FAM24B: variants seen among roughly 807,000 people sequenced by gnomAD.
The protein encoded by FAM24B is family with sequence similarity 24 member B, also known as protein FAM24B.
In FAM24B, 3 loss-of-function variants were observed where a neutral mutation model predicts 2.3. That is an observed-to-expected ratio of 1.29 (90% CI 0.59 to 3.32). FAM24B has a LOEUF of 3.32. FAM24B is among the 30% of genes most tolerant of loss of function. The probability of loss-of-function intolerance (pLI) is 0.03; values close to 1 mark genes in which losing one functional copy is unlikely to be tolerated. For missense variants in FAM24B, 98 were observed against 117.2 expected (o/e 0.84, Z 0.76); for synonymous variants, 36 against 46.3 (o/e 0.78, Z 0.90).
At chr10:122,853,439 C>T (rs1203325100) in intron 2 of FAM24B, among the ~76,000 whole-genome samples, 2 of 152,160 alleles carry the variant, frequency 1.3e-5, no homozygotes, top group Admixed American at 6.5e-5. Context: ...CCCTCCCTGT[C>T]CCTCGCCTCC....
intron 2 of FAM24B, among the ~76,000 whole-genome samples, chr10:122,851,466 C>G (rs1345104511): frequency 6.6e-6 from 1 of 152,234 alleles, no homozygotes; most frequent in Admixed American, 6.5e-5. Flanking sequence ...AATCAGGACA[C>G]ACGCTGTGTG....
At chr10:122,859,983 C>T (rs112917344) in intron 1 of FAM24B, among the ~76,000 whole-genome samples, 2,234 of 152,168 alleles carry the variant, frequency 0.015, 54 homozygotes, top group African/African-American at 0.045. Context: ...GCCAACACTC[C>T]CGGCAGCTTG....
intron 1 of FAM24B, among the ~76,000 whole-genome samples, chr10:122,856,041 G>C (rs575303558): frequency 6.6e-5 from 10 of 152,236 alleles, no homozygotes; most frequent in Non-Finnish European, 1.5e-4. Flanking sequence ...AAAGCCAAGA[G>C]TGTACATAAA....
At chr10:122,875,492 A>G (rs934587035) in intron 1 of FAM24B, among the ~76,000 whole-genome samples, 5 of 152,206 alleles carry the variant, frequency 3.3e-5, no homozygotes, top group East Asian at 1.9e-4. Flanking sequence ...CTTTGTTGAA[A>G]GCCAGACATA....
chr10:122,879,600 G>T (rs1410914029), upstream of FAM24B: 4 of 153,006 alleles, frequency 2.6e-5, no homozygotes, highest in African/African-American at 9.6e-5. Context: ...CCTGCGCATG[G>T]TCTCCAAAGG....
At position 122,849,629 on chromosome 10, in the gene FAM24B, A is replaced by G. The variant is rs182539683; in HGVS notation, c.93-190T>C. Among the ~76,000 whole-genome samples, 362 of 152,148 alleles carry G rather than the reference A, an allele frequency of 2.4e-3. 9 individuals are homozygous for G. Among genetic ancestry groups the G allele is most frequent in the Admixed American group, 0.02 (313 of 15,280 alleles). ...CTTTCCTCTTCTATGATTGCTATAA[A>G]TGTAAACTGAGGTTACAAAAGCAAG... is the stretch of plus-strand genomic sequence containing the variant. On this transcript the variant is annotated intron_variant, in intron 3 of 3. Coordinates refer to ENST00000368898, the MANE Select transcript of FAM24B (RefSeq NM_152644.3).
chr10:122,870,558 T>G (rs1352246627), intron 1 of FAM24B, among the ~76,000 whole-genome samples: 2 of 152,114 alleles, frequency 1.3e-5, no homozygotes, highest in South Asian at 2.1e-4. Context: ...GCAAACTGAA[T>G]CCAGCAGCAC....
At chr10:122,867,160 C>T (rs897525842) in intron 1 of FAM24B, among the ~76,000 whole-genome samples, 2 of 152,202 alleles carry the variant, frequency 1.3e-5, no homozygotes, top group African/African-American at 2.4e-5. Context: ...AGAGCAATGC[C>T]CTAACTCTCT....
chr10:122,867,061 T>C (rs984986362), intron 1 of FAM24B, among the ~76,000 whole-genome samples: 1 of 152,192 alleles, frequency 6.6e-6, no homozygotes, highest in Admixed American at 6.5e-5. Flanking sequence ...GGATACAAAA[T>C]AGCTTTATTG....
chr10:122,870,563 C>G (rs1847878812), intron 1 of FAM24B, among the ~76,000 whole-genome samples: 1 of 152,314 alleles, frequency 6.6e-6, no homozygotes, highest in Non-Finnish European at 1.5e-5. Context: ...CTGAATCCAG[C>G]AGCACATCAA....
chr10:122,850,391 T>G lies in FAM24B; in HGVS notation c.92+33A>C, dbSNP rs374021630. 94 of 1,552,322 alleles carry G rather than the reference T, an allele frequency of 6.1e-5. 1 individual carries two copies. In the African/African-American group the frequency reaches 1.2e-3, roughly 19 times the overall value. Reference sequence around the variant, plus strand: ...CCCCTTTTCCCCATGTGACTCACTTTAGTACGTTGTTTATTTTGAACTTGT... The same window carrying G: ...CCCCTTTTCCCCATGTGACTCACTTGAGTACGTTGTTTATTTTGAACTTGT... On this transcript the variant is annotated intron_variant, in intron 3 of 3. Coordinates refer to ENST00000368898, the MANE Select transcript of FAM24B (RefSeq NM_152644.3).
At chr10:122,872,547 C>G (rs1484285490) in intron 1 of FAM24B, among the ~76,000 whole-genome samples, 1 of 152,078 alleles carries the variant, frequency 6.6e-6, no homozygotes, top group Non-Finnish European at 1.5e-5. Context: ...AAATGTCCAA[C>G]AATGATAGAC....
intron 2 of FAM24B, among the ~76,000 whole-genome samples, chr10:122,852,449 T>G (rs1032558567): frequency 2.6e-5 from 4 of 152,102 alleles, no homozygotes; most frequent in Admixed American, 2.6e-4. Context: ...ATGAGTCATA[T>G]CTCCAGGAAC....
At chr10:122,864,113 T>C (rs754487897) in intron 1 of FAM24B, among the ~76,000 whole-genome samples, 8 of 152,258 alleles carry the variant, frequency 5.3e-5, no homozygotes, top group Non-Finnish European at 8.8e-5. Flanking sequence ...ACAACACATG[T>C]TCACTGTATA....
chr10:122,852,232 CA>C (rs1346918354), intron 2 of FAM24B, among the ~76,000 whole-genome samples: 1 of 152,170 alleles, frequency 6.6e-6, no homozygotes, highest in Non-Finnish European at 1.5e-5. Context: ...ACAGGGCAAA[CA>C]GCCACCCCCA....
intron 3 of FAM24B, among the ~76,000 whole-genome samples, chr10:122,850,128 C>T (rs558693919): frequency 6.6e-6 from 1 of 152,230 alleles, no homozygotes; most frequent in South Asian, 2.1e-4. Context: ...AATTAAACAC[C>T]TGATGGTAAA....
At chr10:122,860,038 C>CT (rs112333008) in intron 1 of FAM24B, among the ~76,000 whole-genome samples, 4,382 of 147,588 alleles carry the variant, frequency 0.03, 186 homozygotes, top group African/African-American at 0.095. Flanking sequence ...TTTGGTCTGA[C>CT]TTTTTTTTTT....
At chr10:122,865,164 C>T (rs1847783317) in intron 1 of FAM24B, among the ~76,000 whole-genome samples, 1 of 152,146 alleles carries the variant, frequency 6.6e-6, no homozygotes, top group Admixed American at 6.5e-5. Flanking sequence ...TGCATACCCA[C>T]CAGCATCATT....
chr10:122,849,911 T>C (rs2133822915), intron 3 of FAM24B, among the ~76,000 whole-genome samples: 1 of 152,208 alleles, frequency 6.6e-6, no homozygotes, highest in East Asian at 1.9e-4. Context: ...GGTTCAGCTG[T>C]CCCTGAGATC....
Sources: gnomAD v4.1 joint callset for allele counts (sites outside exome capture counted in the v4.1 genomes callset) on GRCh38, gnomAD v4.1.1 for gene constraint, MANE v1.5 for transcripts, NCBI Gene and HGNC (gene_info 2026-07-23, HGNC 2026-07-21) for gene names.